Variants in ANXA10 observed in about 807,000 individuals in gnomAD.
ANXA10 encodes the protein annexin A10, also known as annexin 14.
Under a neutral mutation model 53.5 loss-of-function variants are expected in ANXA10, and 49 were observed. The observed-to-expected ratio is 0.92, with a 90% confidence interval of 0.73 to 1.16. ANXA10 has a LOEUF of 1.16. Ranked by LOEUF, ANXA10 falls within the 50% of genes most tolerant of loss-of-function variation. The probability of loss-of-function intolerance (pLI) is 0.00; values close to 1 mark genes in which losing one functional copy is unlikely to be tolerated. For missense variants in ANXA10, 393 were observed against 394.4 expected (o/e 1.00, Z 0.03); for synonymous variants, 131 against 128.9 (o/e 1.02, Z -0.11).
At chr4:168,130,811 C>T (rs183955407) in intron 2 of ANXA10, among the ~76,000 whole-genome samples, 5 of 151,580 alleles carry the variant, frequency 3.3e-5, no homozygotes, top group African/African-American at 9.7e-5. Context: ...GCTCCTGTTT[C>T]GTTTCTGATA....
intron 6 of ANXA10, among the ~76,000 whole-genome samples, chr4:168,173,445 G>A (rs1174041717): frequency 6.6e-6 from 1 of 152,156 alleles, no homozygotes; most frequent in Non-Finnish European, 1.5e-5. Flanking sequence ...GTGAAGGAAC[G>A]TGGTTTTATG....
intron 6 of ANXA10, among the ~76,000 whole-genome samples, chr4:168,169,453 T>C (rs1170401974): frequency 3.9e-5 from 6 of 152,212 alleles, no homozygotes; most frequent in Admixed American, 3.9e-4. Context: ...CTAAGGACTT[T>C]ATTTAATTCC....
intron 6 of ANXA10, among the ~76,000 whole-genome samples, chr4:168,169,765 T>C (rs1340493940): frequency 6.6e-6 from 1 of 152,196 alleles, no homozygotes; most frequent in African/African-American, 2.4e-5. Flanking sequence ...CCCATTTGGT[T>C]CCACTCCAAT....
chr4:168,139,812 G>A (rs1372593416), intron 3 of ANXA10, among the ~76,000 whole-genome samples: 1 of 152,156 alleles, frequency 6.6e-6, no homozygotes, highest in East Asian at 1.9e-4. Context: ...GTGACCACAA[G>A]TTCTTTCCCC....
At position 168,155,438 on chromosome 4, in the gene ANXA10, TAATTATGA is replaced by T. The variant is rs1731594081; in HGVS notation, c.196-7088_196-7081del. Among the ~76,000 whole-genome samples the T allele has an allele frequency of 4.5e-5, 3 of 67,022 alleles. 1 individual carries two copies. The highest frequency in any genetic ancestry group is 7.9e-5 in the Non-Finnish European group (3 of 38,098). 44.0% of individuals were successfully genotyped at this position (67,022 alleles called of 152,430 possible). The stretch of plus-strand genomic sequence containing the variant: ...ACATTATATTATATATAATTATATA[TAATTATGA>T]ATTATATATTTTATAATATATAATT... On this transcript the variant is annotated intron_variant, in intron 3 of 11. Transcript: ENST00000359299.
chr4:168,157,792 G>C (rs1355737772), intron 3 of ANXA10, among the ~76,000 whole-genome samples: 1 of 152,120 alleles, frequency 6.6e-6, no homozygotes. Flanking sequence ...GTGAAGCTAT[G>C]TGTATTCTTT....
intron 6 of ANXA10, among the ~76,000 whole-genome samples, chr4:168,169,183 G>A (rs758323462): frequency 2.0e-5 from 3 of 152,052 alleles, no homozygotes; most frequent in Admixed American, 6.5e-5. Flanking sequence ...AAATAATCTC[G>A]ATTGACAAGA....
chr4:168,107,918 G>A (rs1486085094), intron 1 of ANXA10, among the ~76,000 whole-genome samples: 1 of 152,102 alleles, frequency 6.6e-6, no homozygotes, highest in Non-Finnish European at 1.5e-5. Flanking sequence ...GTCCATTTAA[G>A]TACCATTACT....
intron 3 of ANXA10, among the ~76,000 whole-genome samples, chr4:168,155,733 G>GATAT (rs1731616804): frequency 6.1e-5 from 1 of 16,452 alleles, no homozygotes; most frequent in Non-Finnish European, 9.4e-5. Flanking sequence ...TATAATATAT[G>GATAT]ATATATCATA....
chr4:168,155,201 T>C (rs953078899), intron 3 of ANXA10, among the ~76,000 whole-genome samples: 13 of 150,408 alleles, frequency 8.6e-5, no homozygotes, highest in African/African-American at 2.9e-4. Context: ...AACTACGCTT[T>C]CCACGAACCT....
Position 168,153,422 on chromosome 4 carries a change from C to CAAAAAAAAAAAAAAA in ANXA10, c.196-9101_196-9087dup, listed in dbSNP as rs61179704. 6.2e-4 allele frequency among the ~76,000 whole-genome samples: 27 copies of CAAAAAAAAAAAAAAA among 43,494 alleles called. 2 individuals are homozygous for CAAAAAAAAAAAAAAA. The highest frequency in any genetic ancestry group is 9.3e-4 in the Non-Finnish European group (18 of 19,336). The allele number at this position is 43,494 out of a possible 152,430, so 28.5% of individuals were successfully genotyped here. On this transcript the variant is annotated intron_variant, in intron 3 of 11. Transcript: ENST00000359299. ...GCTTCAAGCTGCTAAAAGCCTAAAGCAAAAAAAAAAAAAAAAAAACAAAAA... is the reference window on the plus strand; with the variant it reads ...GCTTCAAGCTGCTAAAAGCCTAAAGCAAAAAAAAAAAAAAAAAAAAAAAAAAAAAAAAAACAAAAA...
intron 4 of ANXA10, among the ~76,000 whole-genome samples, chr4:168,163,255 AG>A (rs999764687): frequency 1.3e-5 from 2 of 152,184 alleles, no homozygotes; most frequent in Non-Finnish European, 2.9e-5. Flanking sequence ...GGCTAGGTAC[AG>A]GGAACAAAGA....
At chr4:168,123,218 A>G (rs1334472821) in intron 1 of ANXA10, among the ~76,000 whole-genome samples, 1 of 152,050 alleles carries the variant, frequency 6.6e-6, no homozygotes, top group Non-Finnish European at 1.5e-5. Flanking sequence ...TCTTTCCCCC[A>G]TGTGAGCTCT....
chr4:168,124,589 C>A (rs111857464), intron 1 of ANXA10, among the ~76,000 whole-genome samples: 1,748 of 152,166 alleles, frequency 0.011, 13 homozygotes, highest in South Asian at 0.018. Flanking sequence ...CTTTTTCTAT[C>A]CTATGTGATT....
chr4:168,110,860 G>T (rs1032566026), intron 1 of ANXA10, among the ~76,000 whole-genome samples: 1 of 152,104 alleles, frequency 6.6e-6, no homozygotes, highest in African/African-American at 2.4e-5. Flanking sequence ...ATAGAATTTC[G>T]TGATACTTTC....
chr4:168,173,571 C>T (rs1233999365), intron 6 of ANXA10, among the ~76,000 whole-genome samples: 1 of 152,160 alleles, frequency 6.6e-6, no homozygotes, highest in Non-Finnish European at 1.5e-5. Flanking sequence ...AATGTTACCT[C>T]GGACCCATAG....
At position 168,145,261 on chromosome 4, in the gene ANXA10, G is replaced by A. The variant is rs898208081; in HGVS notation, c.195+5681G>A. ...TTCCCGGCCTTTTGGATAAGATCAA[G>A]TGTATAACACTGATGTTTTCCTGAG... On this transcript the variant is annotated intron_variant, in intron 3 of 11. Transcript: ENST00000359299. Among the ~76,000 whole-genome samples the A allele has an allele frequency of 3.1e-4, 47 of 152,286 alleles. 1 individual carries two copies. In the East Asian group the frequency reaches 9.1e-3, roughly 29 times the overall value.
At chr4:168,157,239 A>G (rs1209612720) in intron 3 of ANXA10, among the ~76,000 whole-genome samples, 2 of 152,110 alleles carry the variant, frequency 1.3e-5, no homozygotes, top group African/African-American at 4.8e-5. Flanking sequence ...TTTGAACACA[A>G]CACAATCAAG....
chr4:168,152,103 C>T (rs942414545), intron 3 of ANXA10, among the ~76,000 whole-genome samples: 4 of 152,206 alleles, frequency 2.6e-5, no homozygotes, highest in African/African-American at 7.2e-5. Context: ...TTACATTCTA[C>T]CTATTCCACC....
Sources: gnomAD v4.1 joint callset for allele counts (sites outside exome capture counted in the v4.1 genomes callset) on GRCh38, gnomAD v4.1.1 for gene constraint, MANE v1.5 for transcripts, NCBI Gene and HGNC (gene_info 2026-07-23, HGNC 2026-07-21) for gene names.